Variants in PML observed in about 807,000 individuals in gnomAD.
PML encodes protein PML.
A neutral mutation model predicts 65.2 loss-of-function variants in PML; 28 were observed. The observed-to-expected ratio is 0.43, with a 90% confidence interval of 0.32 to 0.59. The LOEUF (loss-of-function observed/expected upper bound fraction) is 0.59. Ranked by LOEUF, PML falls within the 20% of genes least tolerant of loss-of-function variation. The pLI, the probability that PML is intolerant of heterozygous loss-of-function variation, is 0.08. For synonymous variants in PML, 500 were observed against 508.8 expected (o/e 0.98, Z 0.23); for missense variants, 1,021 against 1,203.4 (o/e 0.85, Z 2.24).
chr15:74,029,842 C>A (rs2071239799), intron 4 of PML, among the ~76,000 whole-genome samples: 1 of 152,168 alleles, frequency 6.6e-6, no homozygotes, highest in African/African-American at 2.4e-5. Context: ...AGAGGCCTGG[C>A]AGAGACAGAT....
chr15:74,000,210 G>A (rs1367622700), intron 2 of PML, among the ~76,000 whole-genome samples: 1 of 152,200 alleles, frequency 6.6e-6, no homozygotes, highest in African/African-American at 2.4e-5. Flanking sequence ...ATCCATGGGA[G>A]TCTGTTTCAA....
intron 2 of PML, among the ~76,000 whole-genome samples, chr15:74,013,307 A>G (rs1183882856): frequency 6.6e-6 from 1 of 152,178 alleles, no homozygotes; most frequent in Non-Finnish European, 1.5e-5. Flanking sequence ...TTAGTAATAT[A>G]ACAGTACTAC....
rs1175395967 is a variant in PML, at chr15:74,042,746, C to A, written c.1711-243C>A. The A allele has an allele frequency of 3.2e-5, 32 of 985,304 alleles. No individual in the cohort carries two copies. The highest frequency in any genetic ancestry group is 5.2e-4 in the Middle Eastern group (1 of 1,936). The allele number at this position is 985,304 out of a possible 1,614,324, so 61.0% of individuals were successfully genotyped here. On this transcript the variant is annotated intron_variant, in intron 7 of 8. Transcript: ENST00000268058. This position sits in a 1 kb window ranked among gnomAD's most constrained non-coding sequence, Gnocchi z 5.3. ...ACGTTCACAACCTGTGTGTGTCACCCTTCCTCCCCTACTCATGAGGGTGTA... is the reference window on the plus strand; with the variant it reads ...ACGTTCACAACCTGTGTGTGTCACCATTCCTCCCCTACTCATGAGGGTGTA...
At chr15:74,002,232 T>A (rs550711325) in intron 2 of PML, among the ~76,000 whole-genome samples, 53 of 152,048 alleles carry the variant, frequency 3.5e-4, no homozygotes, top group Non-Finnish European at 7.2e-4. Flanking sequence ...AGGATATTCC[T>A]TGGACTCACA....
chr15:74,039,570 A>C (rs1165108224), intron 7 of PML, among the ~76,000 whole-genome samples: 1 of 152,192 alleles, frequency 6.6e-6, no homozygotes, highest in Non-Finnish European at 1.5e-5. Context: ...ACCTGGAATG[A>C]ATCAGTGATA....
At chr15:74,021,787 A>G (rs2141829052) in intron 2 of PML, among the ~76,000 whole-genome samples, 1 of 152,324 alleles carries the variant, frequency 6.6e-6, no homozygotes, top group African/African-American at 2.4e-5. Context: ...CAAACAGGAA[A>G]TTACCTGAAT....
chr15:74,004,456 A>G (rs1478668271), intron 2 of PML, among the ~76,000 whole-genome samples: 1 of 152,022 alleles, frequency 6.6e-6, no homozygotes, highest in Non-Finnish European at 1.5e-5. Context: ...GCCTGCCACC[A>G]TGCCTGGCTA....
At chr15:73,999,004 T>G (rs1038192031) in intron 2 of PML, among the ~76,000 whole-genome samples, 2 of 152,230 alleles carry the variant, frequency 1.3e-5, no homozygotes, top group African/African-American at 4.8e-5. Context: ...ATTATTTTTA[T>G]TAAACAGATT....
Position 74,035,029 on chromosome 15 carries a change from C to T in PML, c.1710+499C>T, listed in dbSNP as rs765606610. The T allele has an allele frequency of 8.1e-5, 120 of 1,488,412 alleles. No individual in the cohort carries two copies. The highest frequency in any genetic ancestry group is 1.0e-4 in the Non-Finnish European group (111 of 1,085,974). The allele number at this position is 1,488,412 out of a possible 1,614,324, so 92.2% of individuals were successfully genotyped here. Reference sequence around the variant, plus strand: ...AAACAGGTGGCCTCGTGGGTAGTGACCCTTCTGTCCCTAGAGGTTTATTAC... The same window carrying T: ...AAACAGGTGGCCTCGTGGGTAGTGATCCTTCTGTCCCTAGAGGTTTATTAC... On this transcript the variant is annotated intron_variant, in intron 7 of 8. Coordinates refer to ENST00000268058, the MANE Select transcript of PML (RefSeq NM_033238.3). The surrounding 1 kb of genome is among the most constrained non-coding windows in gnomAD (Gnocchi z 4.1).
rs746019601 is a variant in PML at position 74,034,461 on chromosome 15, C to G, written c.1658-17C>G. On this transcript the variant is annotated splice_polypyrimidine_tract_variant and intron_variant, in intron 6 of 8. Transcript: ENST00000268058. ...ATCCTAGGCAGTTCATAATGCATCT[C>G]CCCTTCCCCGTTTCAGAGGAACGCG... 3 of 1,614,194 alleles carry G rather than the reference C, an allele frequency of 1.9e-6. No individual in the cohort carries two copies. The South Asian group carries it at 3.3e-5, about 18-fold the overall frequency.
intron 2 of PML, among the ~76,000 whole-genome samples, chr15:74,015,513 A>G (rs1283757457): frequency 6.6e-6 from 1 of 152,144 alleles, no homozygotes; most frequent in African/African-American, 2.4e-5. Flanking sequence ...ATTTCATAAC[A>G]TTTTTGCTTC....
chr15:74,006,143 C>T (rs1298750102), intron 2 of PML, among the ~76,000 whole-genome samples: 1 of 152,146 alleles, frequency 6.6e-6, no homozygotes, highest in African/African-American at 2.4e-5. Context: ...GTAGGCCCAG[C>T]GCTTTGGGAG....
chr15:73,994,874 C>T lies in PML; in HGVS notation c.62C>T (p.Pro21Leu). 3 of 1,556,658 alleles carry T rather than the reference C, an allele frequency of 1.9e-6. No individual in the cohort carries two copies. Among genetic ancestry groups the T allele is most frequent in the Non-Finnish European group, 2.6e-6 (3 of 1,149,314 alleles). ...CAGGACCCCGCCCGGCCCCAGGAGC[C>T]CACCATGCCTCCCCCCGAGACCCCC... ...PQQDPARPQEPTMPPPETPSE... is the reference protein window; with the variant it reads ...PQQDPARPQELTMPPPETPSE... The change falls in exon 1 of 9, where the codon CCC becomes CTC. Residue 21 changes from proline to leucine, a missense_variant. Physicochemically the swap from Pro to Leu is moderately conservative, Grantham distance 98. Transcript: ENST00000268058.
chr15:73,997,430 T>G (rs2069560658), intron 1 of PML, among the ~76,000 whole-genome samples: 1 of 152,268 alleles, frequency 6.6e-6, no homozygotes, highest in African/African-American at 2.4e-5. Flanking sequence ...TTCATTTCTT[T>G]CTAACGCTGA....
chr15:74,037,737 C>T lies in PML; in HGVS notation c.1710+3207C>T, dbSNP rs1029472741. On this transcript the variant is annotated intron_variant, in intron 7 of 8. Transcript: ENST00000268058. This position sits in a 1 kb window ranked among gnomAD's most constrained non-coding sequence, Gnocchi z 4.2. ...TCGGATGCAGCTCTGGGCACTCCTC[C>T]CTCTCCTCTGCAGGCTCTGTTTTTT... 1.1e-5 allele frequency: 11 copies of T among 984,156 alleles called. No homozygotes were observed. The highest frequency in any genetic ancestry group is 1.3e-5 in the Non-Finnish European group (11 of 828,968). The allele number at this position is 984,156 out of a possible 1,614,324, so 61.0% of individuals were successfully genotyped here. A position where few individuals can be genotyped will look rare whatever the true frequency, so the allele number is the denominator to read the frequency against.
chr15:74,017,213 A>G (rs1334136289), intron 2 of PML, among the ~76,000 whole-genome samples: 3 of 152,244 alleles, frequency 2.0e-5, no homozygotes, highest in African/African-American at 7.2e-5. Flanking sequence ...GTAATTTTAC[A>G]CATTTAACTT....
At chr15:74,041,770 G>T (rs1328078335) in intron 7 of PML, among the ~76,000 whole-genome samples, 1 of 152,234 alleles carries the variant, frequency 6.6e-6, no homozygotes, top group Non-Finnish European at 1.5e-5. Context: ...AGGGTCTGGG[G>T]AAATGTGCTG....
chr15:74,043,021 G>A lies in PML; in HGVS notation c.1743G>A (p.Glu581=), dbSNP rs1032235371. Residue 581 remains glutamate (E), a synonymous_variant, in exon 8 of 9, where the codon GAG becomes GAA. Coordinates refer to ENST00000268058, the MANE Select transcript of PML (RefSeq NM_033238.3). The surrounding 1 kb of genome is among the most constrained non-coding windows in gnomAD (Gnocchi z 4.3). The stretch of plus-strand genomic sequence containing the variant: ...GAGAGCTGGATGACAGCAGCAGTGA[G>A]TCCAGTGACCTCCAGCTGGAAGGCC... ...SSRELDDSSS[E]SSDLQLEGPS... 1.2e-6 allele frequency: 2 copies of A among 1,613,686 alleles called. No homozygotes were observed. The highest frequency in any genetic ancestry group is 1.7e-6 in the Non-Finnish European group (2 of 1,179,940).
rs537182250 is a variant in PML at position 74,029,362 on chromosome 15, G to A, written c.1255-3210G>A. Among the ~76,000 whole-genome samples the A allele has an allele frequency of 1.2e-3, 188 of 152,222 alleles. 1 individual carries two copies. The highest frequency in any genetic ancestry group is 2.5e-3 in the Non-Finnish European group (167 of 68,014). The stretch of plus-strand genomic sequence containing the variant: ...AAATAGGCTGGGTCCAGTGGCTCAC[G>A]CCTGTAATCCTAGCACTTTGGGAGG... On this transcript the variant is annotated intron_variant, in intron 4 of 8. Coordinates refer to ENST00000268058, the MANE Select transcript of PML (RefSeq NM_033238.3).
Sources: allele counts gnomAD v4.1 joint callset (sites outside exome capture counted in the v4.1 genomes callset), GRCh38; gene constraint gnomAD v4.1.1; non-coding constraint Gnocchi (gnomAD v3.1); transcripts MANE v1.5; gene names NCBI Gene and HGNC (gene_info 2026-07-23, HGNC 2026-07-21).